EPB41L3: variants seen among roughly 807,000 people sequenced by gnomAD.
The protein encoded by EPB41L3 is erythrocyte membrane protein band 4.1 like 3, also known as band 4.1-like protein 3.
A neutral mutation model predicts 127.1 loss-of-function variants in EPB41L3; 57 were observed. That is an observed-to-expected ratio of 0.45 (90% CI 0.36 to 0.56). EPB41L3 has a LOEUF of 0.56. Among genes scored for constraint, EPB41L3 ranks in the 20% least tolerant of loss-of-function variants. The probability of loss-of-function intolerance (pLI) is 0.00; values close to 1 mark genes in which losing one functional copy is unlikely to be tolerated. For synonymous variants in EPB41L3, 572 were observed against 549.5 expected (o/e 1.04, Z -0.57); for missense variants, 1,273 against 1,372.2 (o/e 0.93, Z 1.14).
intron 1 of EPB41L3, chr18:5,540,597 C>A: frequency 1.0e-6 from 1 of 970,424 alleles, no homozygotes; most frequent in South Asian, 4.8e-5. Flanking sequence ...GAATTCCCAA[C>A]AAATCAGCAG....
intron 5 of EPB41L3, among the ~76,000 whole-genome samples, chr18:5,439,132 C>T (rs1301513009): frequency 3.9e-5 from 6 of 152,006 alleles, no homozygotes; most frequent in Non-Finnish European, 8.8e-5. Context: ...TACACTAGAG[C>T]CTAGGTCCTG....
At chr18:5,617,464 G>T (rs978720848) in intron 1 of EPB41L3, among the ~76,000 whole-genome samples, 1 of 152,122 alleles carries the variant, frequency 6.6e-6, no homozygotes, top group East Asian at 1.9e-4. Flanking sequence ...GACCACAGGC[G>T]CCAGCCACCA....
intron 16 of EPB41L3, among the ~76,000 whole-genome samples, chr18:5,402,780 T>C (rs955608142): frequency 6.6e-6 from 1 of 152,168 alleles, no homozygotes. Context: ...AATCTTAATA[T>C]CATAATTGGA....
At chr18:5,583,192 C>T (rs2094411135) in intron 3 of EPB41L3, among the ~76,000 whole-genome samples, 1 of 152,170 alleles carries the variant, frequency 6.6e-6, no homozygotes, top group Admixed American at 6.5e-5. Flanking sequence ...AACACAGTAA[C>T]TGTCCCTACC....
chr18:5,449,556 C>T (rs2082000920), intron 3 of EPB41L3, among the ~76,000 whole-genome samples: 1 of 152,126 alleles, frequency 6.6e-6, no homozygotes, highest in Non-Finnish European at 1.5e-5. Flanking sequence ...TTCATAATTG[C>T]CAAAACTTGG....
intron 20 of EPB41L3, among the ~76,000 whole-genome samples, 161 bp downstream of exon 20, chr18:5,395,448 G>A (rs1318374428): frequency 1.3e-5 from 2 of 152,170 alleles, no homozygotes; most frequent in East Asian, 1.9e-4. Flanking sequence ...CAAGTGCATC[G>A]TAAATCTAGG....
intron 1 of EPB41L3, among the ~76,000 whole-genome samples, chr18:5,540,159 T>C (rs545651276): frequency 3.7e-4 from 57 of 152,236 alleles, no homozygotes; most frequent in Non-Finnish European, 7.6e-4. Flanking sequence ...TTTCTTGTTC[T>C]TTAATTTTGT....
At chr18:5,565,401 G>A (rs926030478) in intron 3 of EPB41L3, among the ~76,000 whole-genome samples, 1 of 151,954 alleles carries the variant, frequency 6.6e-6, no homozygotes, top group Admixed American at 6.5e-5. Flanking sequence ...AACAGAGCAA[G>A]ACTCCGTCTC....
chr18:5,449,462 A>G (rs555692035), intron 3 of EPB41L3, among the ~76,000 whole-genome samples: 1 of 147,918 alleles, frequency 6.8e-6, no homozygotes, highest in African/African-American at 2.5e-5. Context: ...GTATTCAACA[A>G]TCATGCTCCT....
chr18:5,437,646 G>A (rs567363520), intron 6 of EPB41L3, among the ~76,000 whole-genome samples: 1 of 152,296 alleles, frequency 6.6e-6, no homozygotes, highest in African/African-American at 2.4e-5. Context: ...ATGTGTGTGT[G>A]TATGTGTTGG....
chr18:5,428,266 T>C lies in EPB41L3; in HGVS notation c.1065+47A>G, dbSNP rs199821950. On this transcript the variant is annotated intron_variant, in intron 9 of 22. Coordinates refer to ENST00000341928, the MANE Select transcript of EPB41L3 (RefSeq NM_012307.5). ...AGATAATTTAAATGCTTGCTTGCTA[T>C]CAGGGATCTTTCCTCCCAACGCACA... 197 of 1,606,278 alleles carry C rather than the reference T, an allele frequency of 1.2e-4. No homozygotes were observed. The African/African-American group carries it at 1.6e-3, about 13-fold the overall frequency.
intron 2 of EPB41L3, among the ~76,000 whole-genome samples, chr18:5,487,721 C>G (rs541747780): frequency 5.3e-5 from 8 of 151,550 alleles, no homozygotes; most frequent in Non-Finnish European, 1.2e-4. Context: ...TCCTAAGCCT[C>G]CCAAAAGTCC....
intron 3 of EPB41L3, among the ~76,000 whole-genome samples, chr18:5,588,402 C>A (rs760935169): frequency 6.6e-6 from 1 of 151,808 alleles, no homozygotes. Flanking sequence ...ACTAAAACAA[C>A]GTTTTAATAC....
chr18:5,433,775 G>A (rs1348945923), intron 7 of EPB41L3, 128 bp downstream of exon 7: 8 of 1,080,448 alleles, frequency 7.4e-6, no homozygotes, highest in Non-Finnish European at 1.1e-5. Flanking sequence ...ATTTTACTGT[G>A]CATGGACCCA....
chr18:5,561,991 A>G (rs184953698), intron 3 of EPB41L3, among the ~76,000 whole-genome samples: 5 of 152,332 alleles, frequency 3.3e-5, no homozygotes, highest in Admixed American at 3.3e-4. Flanking sequence ...AAGTCATGAA[A>G]GACAGGTGAA....
intron 3 of EPB41L3, among the ~76,000 whole-genome samples, chr18:5,457,556 C>T (rs1010788104): frequency 6.6e-6 from 1 of 152,134 alleles, no homozygotes; most frequent in Admixed American, 6.5e-5. Context: ...AAAACACACA[C>T]ACACAGATCT....
chr18:5,605,030 C>A (rs926357960), intron 3 of EPB41L3, among the ~76,000 whole-genome samples: 19 of 152,240 alleles, frequency 1.2e-4, no homozygotes, highest in Non-Finnish European at 1.3e-4. Context: ...CAACTGCTTA[C>A]CTCAGGTCAC....
intron 5 of EPB41L3, among the ~76,000 whole-genome samples, chr18:5,442,217 T>C (rs948209207): frequency 2.0e-5 from 3 of 152,190 alleles, no homozygotes; most frequent in African/African-American, 7.2e-5. Flanking sequence ...TTAATTTTTT[T>C]CTTAGGATTC....
rs1401046522 is a variant in EPB41L3 at position 5,424,308 on chromosome 18, C to A, written c.1117G>T (p.Ala373Ser). ...IGFKLPNHRA[A>S]KRLWKVCVEH... ...ACACATACTTTCCATAAACGCTTGG[C>A]AGCTCGATGGTTTGGCAGCTTAAAC... Residue 373 changes from alanine (A) to serine (S), a missense_variant, in exon 10 of 23, where the codon GCC becomes TCC. This residue lies in a region of EPB41L3 where 326 missense variants were observed against 440.2 expected (regional missense o/e 0.74). Coordinates refer to ENST00000341928, the MANE Select transcript of EPB41L3 (RefSeq NM_012307.5). 6.2e-7 allele frequency: 1 copy of A among 1,608,068 alleles called. No individual in the cohort carries two copies. Among genetic ancestry groups the A allele is most frequent in the East Asian group, 2.2e-5 (1 of 44,632 alleles).
Sources: gnomAD v4.1 joint callset for allele counts (sites outside exome capture counted in the v4.1 genomes callset) on GRCh38, gnomAD v4.1.1 for gene constraint, gnomAD v4.1.1 regional missense constraint, MANE v1.5 for transcripts, NCBI Gene and HGNC (gene_info 2026-07-23, HGNC 2026-07-21) for gene names.